PARD3: variants seen among roughly 807,000 people sequenced by gnomAD.
PARD3 encodes the protein partitioning defective 3 homolog.
PARD3 carries 75 observed loss-of-function variants against 155.4 expected under a neutral mutation model. The observed-to-expected ratio is 0.48, with a 90% CI of 0.40 to 0.58. The LOEUF is 0.58. Among genes scored for constraint, PARD3 ranks in the 20% least tolerant of loss-of-function variants. The pLI is 0.00. For missense variants in PARD3, 1,642 were observed against 1,721.7 expected (o/e 0.95, Z 0.82); for synonymous variants, 576 against 610.5 (o/e 0.94, Z 0.83).
intron 1 of PARD3, among the ~76,000 whole-genome samples, chr10:34,745,604 C>CA (rs757995685): frequency 1.3e-5 from 2 of 152,172 alleles, no homozygotes; most frequent in Admixed American, 6.5e-5. Context: ...GATGAACCAT[C>CA]ACCAAAGGAA....
chr10:34,442,615 T>C (rs1038052916), intron 5 of PARD3, among the ~76,000 whole-genome samples: 1 of 152,170 alleles, frequency 6.6e-6, no homozygotes, highest in East Asian at 1.9e-4. Context: ...ACACCTGTAA[T>C]CCCAGTACTT....
At chr10:34,507,717 T>C (rs2081173166) in intron 3 of PARD3, among the ~76,000 whole-genome samples, 1 of 152,138 alleles carries the variant, frequency 6.6e-6, no homozygotes, top group Non-Finnish European at 1.5e-5. Context: ...ATTACAATAA[T>C]TACAGCAATT....
chr10:34,611,653 C>G (rs973618515), intron 2 of PARD3, among the ~76,000 whole-genome samples: 3 of 152,072 alleles, frequency 2.0e-5, no homozygotes, highest in African/African-American at 7.2e-5. Flanking sequence ...AGGAAAAAAT[C>G]TGGATCTTGA....
intron 12 of PARD3, among the ~76,000 whole-genome samples, chr10:34,363,455 C>T (rs1466358325): frequency 6.6e-6 from 1 of 152,160 alleles, no homozygotes; most frequent in Non-Finnish European, 1.5e-5. Flanking sequence ...CACTATTAAT[C>T]CATTTGGCTT....
intron 5 of PARD3, among the ~76,000 whole-genome samples, chr10:34,413,356 G>A (rs752713485): frequency 2.0e-5 from 3 of 151,950 alleles, no homozygotes; most frequent in Non-Finnish European, 4.4e-5. Flanking sequence ...ACAAAGACAA[G>A]GAAAGTGGGT....
intron 2 of PARD3, among the ~76,000 whole-genome samples, chr10:34,662,209 A>T (rs1020697375): frequency 2.6e-5 from 4 of 152,218 alleles, no homozygotes; most frequent in African/African-American, 9.6e-5. Context: ...ATGAGATATC[A>T]TCTCACCACA....
rs1480275916 is a variant in PARD3, at chr10:34,384,204, T to C, written c.941A>G (p.His314Arg). The C allele has an allele frequency of 2.5e-6, 4 of 1,613,758 alleles. No homozygotes were observed. Among genetic ancestry groups the C allele is most frequent in the Non-Finnish European group, 2.5e-6 (3 of 1,179,782 alleles). ...KRLEKGGKAE[H>R]ENLFRENDCI... Reference sequence around the variant, plus strand: ...ATCATTCTCACGAAAAAGATTTTCATGTTCAGCTTTACCACCTTTCTCCAA... The same window carrying C: ...ATCATTCTCACGAAAAAGATTTTCACGTTCAGCTTTACCACCTTTCTCCAA... Residue 314 changes from histidine to arginine, a missense_variant, in exon 8 of 25, where the codon CAT (histidine) becomes CGT (arginine). Coordinates refer to ENST00000374788, the MANE Select transcript of PARD3 (RefSeq NM_001184785.2).
intron 22 of PARD3, among the ~76,000 whole-genome samples, chr10:34,183,681 G>A (rs762921264): frequency 2.0e-5 from 3 of 152,188 alleles, no homozygotes; most frequent in African/African-American, 4.8e-5. Flanking sequence ...ACGGGGCTAC[G>A]TAAATAACAC....
intron 1 of PARD3, among the ~76,000 whole-genome samples, chr10:34,769,634 T>C (rs574546101): frequency 1.9e-4 from 29 of 152,018 alleles, no homozygotes; most frequent in Non-Finnish European, 3.4e-4. Flanking sequence ...GGCACGTTCC[T>C]GTAGTCACAG....
intron 1 of PARD3, among the ~76,000 whole-genome samples, chr10:34,804,139 T>C (rs1843106544): frequency 6.6e-6 from 1 of 151,540 alleles, no homozygotes; most frequent in African/African-American, 2.4e-5. Flanking sequence ...GTTCAAGCCA[T>C]TCTCACTACT....
chr10:34,665,526 A>C (rs1033655534), intron 2 of PARD3, among the ~76,000 whole-genome samples: 1 of 151,426 alleles, frequency 6.6e-6, no homozygotes, highest in Non-Finnish European at 1.5e-5. Context: ...ATCACAAAAA[A>C]ATTTTAAAAA....
chr10:34,173,662 C>T (rs1244191555), intron 22 of PARD3, among the ~76,000 whole-genome samples: 4 of 152,264 alleles, frequency 2.6e-5, no homozygotes, highest in South Asian at 2.1e-4. Flanking sequence ...GTTTATCAAA[C>T]CCTCCAACAT....
At chr10:34,325,461 T>C (rs181130949) in intron 19 of PARD3, among the ~76,000 whole-genome samples, 1 of 152,040 alleles carries the variant, frequency 6.6e-6, no homozygotes, top group Non-Finnish European at 1.5e-5. Flanking sequence ...AATACCTCTC[T>C]TCTGGAAATC....
At position 34,450,348 on chromosome 10, in the gene PARD3, A is replaced by G; in HGVS notation, c.683T>C (p.Met228Thr). 1.2e-6 allele frequency: 2 copies of G among 1,614,008 alleles called. No homozygotes were observed. The highest frequency in any genetic ancestry group is 1.7e-6 in the Non-Finnish European group (2 of 1,179,932). ...ARSSLSASHPMVGKWLEKQEQ... is the reference protein window; with the variant it reads ...ARSSLSASHPTVGKWLEKQEQ... Reference sequence around the variant, plus strand: ...TTGTTTCTCCAGCCACTTGCCCACCATTGGGTGACTGGCACTCAGAGACGA... The same window carrying G: ...TTGTTTCTCCAGCCACTTGCCCACCGTTGGGTGACTGGCACTCAGAGACGA... The change falls in exon 5 of 25, where the codon ATG (methionine) becomes ACG (threonine). Residue 228 changes from methionine to threonine, a missense_variant. Met to Thr is a moderately conservative substitution (Grantham distance 81). Transcript: ENST00000374788.
rs867860650 is a variant in PARD3 at position 34,570,169 on chromosome 10, A to G, written c.223-53010T>C. 1.1e-4 allele frequency among the ~76,000 whole-genome samples: 16 copies of G among 152,296 alleles called. 2 individuals carry two copies. In the South Asian group the frequency reaches 3.3e-3, roughly 32 times the overall value. On this transcript the variant is annotated intron_variant, in intron 2 of 24. Coordinates refer to ENST00000374788, the MANE Select transcript of PARD3 (RefSeq NM_001184785.2). Reference sequence around the variant, plus strand: ...CAAAATACTCAAATACATATATTTCAATTTCTACCCATTGTTGGAGTTATT... The same window carrying G: ...CAAAATACTCAAATACATATATTTCGATTTCTACCCATTGTTGGAGTTATT...
chr10:34,416,711 T>C (rs907945267), intron 5 of PARD3, among the ~76,000 whole-genome samples: 9 of 152,120 alleles, frequency 5.9e-5, no homozygotes, highest in Admixed American at 4.6e-4. Context: ...TTGCTAGAGA[T>C]AGAATATGGA....
At chr10:34,603,495 C>T (rs2089966716) in intron 2 of PARD3, among the ~76,000 whole-genome samples, 1 of 152,162 alleles carries the variant, frequency 6.6e-6, no homozygotes, top group African/African-American at 2.4e-5. Flanking sequence ...AGTCACGGAA[C>T]ACATTGAACA....
At chr10:34,272,362 T>C (rs148024707) in intron 21 of PARD3, among the ~76,000 whole-genome samples, 2,627 of 152,094 alleles carry the variant, frequency 0.017, 29 homozygotes, top group Non-Finnish European at 0.025. Flanking sequence ...AATTAGAAGA[T>C]GAAAAAATAA....
intron 2 of PARD3, among the ~76,000 whole-genome samples, chr10:34,561,905 G>A (rs922896493): frequency 2.6e-5 from 4 of 151,824 alleles, no homozygotes; most frequent in African/African-American, 7.2e-5. Flanking sequence ...GCCAAGGTGT[G>A]TGGATCACTT....
Sources: gnomAD v4.1 joint callset for allele counts (sites outside exome capture counted in the v4.1 genomes callset) on GRCh38, gnomAD v4.1.1 for gene constraint, MANE v1.5 for transcripts, NCBI Gene and HGNC (gene_info 2026-07-23, HGNC 2026-07-21) for gene names.